Variants in HMGB1 observed in about 807,000 individuals in gnomAD.
The protein encoded by HMGB1 is high mobility group box 1, also known as high mobility group protein B1.
For missense variants in HMGB1, 79 were observed against 253.5 expected (o/e 0.31, Z 4.67); for synonymous variants, 81 against 84.0 (o/e 0.96, Z 0.19).
intron 1 of HMGB1, among the ~76,000 whole-genome samples, chr13:30,492,737 T>G (rs1198453985): frequency 6.6e-6 from 1 of 152,104 alleles, no homozygotes; most frequent in African/African-American, 2.4e-5. Flanking sequence ...ATGCCTATAA[T>G]CCTAGCACTT....
chr13:30,530,640 T>G (rs1446074992), intron 1 of HMGB1, among the ~76,000 whole-genome samples: 1 of 152,180 alleles, frequency 6.6e-6, no homozygotes, highest in Admixed American at 6.5e-5. Flanking sequence ...GTGAAATAAA[T>G]TACATCTACA....
intron 1 of HMGB1, among the ~76,000 whole-genome samples, chr13:30,616,197 A>C (rs1950560032): frequency 6.6e-6 from 1 of 152,234 alleles, no homozygotes; most frequent in Non-Finnish European, 1.5e-5. Flanking sequence ...AAAAAGCTCT[A>C]GAGCGAAAAC....
At chr13:30,473,580 T>C (rs7325616) in intron 1 of HMGB1, among the ~76,000 whole-genome samples, 11,141 of 151,740 alleles carry the variant, frequency 0.073, 1,340 homozygotes, top group African/African-American at 0.26. Context: ...CAGATGGCTA[T>C]AATCAAGGAG....
rs767920492 is a variant in HMGB1 at position 30,520,170 on chromosome 13, AAACT to A, written c.-14-56480_-14-56477del. Among the ~76,000 whole-genome samples, 4 of 152,090 alleles carry A rather than the reference AAACT, an allele frequency of 2.6e-5. No homozygotes were observed. In the East Asian group the frequency reaches 7.7e-4, roughly 29 times the overall value. ...AACCCCATCTCTACTAAAAATACAAAAACTAGCTGGGCATCGTGGCACATGCCTG... is the reference window on the plus strand; with the variant it reads ...AACCCCATCTCTACTAAAAATACAAAAGCTGGGCATCGTGGCACATGCCTG... On this transcript the variant is annotated intron_variant, in intron 1 of 4. Coordinates refer to the HMGB1 transcript ENST00000405805.
Position 30,460,306 on chromosome 13 carries a change from G to A in HMGB1, c.*1051C>T, listed in dbSNP as rs1593251292. The A allele has an allele frequency of 1.0e-5, 1 of 97,150 alleles. No homozygotes were observed. Among genetic ancestry groups the A allele is most frequent in the African/African-American group, 2.9e-5 (1 of 34,822 alleles). 6.0% of individuals were successfully genotyped at this position (97,150 alleles called of 1,614,324 possible). Reference sequence around the variant, plus strand: ...CCAATTAATTAAAAATACTTGTAATGGAAAGTCTCGTTTCCTGAGCAGTCC... The same window carrying A: ...CCAATTAATTAAAAATACTTGTAATAGAAAGTCTCGTTTCCTGAGCAGTCC... On this transcript the variant is annotated 3_prime_UTR_variant, in exon 5 of 5. Coordinates refer to ENST00000341423, the MANE Select transcript of HMGB1 (RefSeq NM_002128.7).
At chr13:30,615,417 C>T (rs1211848646) in intron 1 of HMGB1, among the ~76,000 whole-genome samples, 1 of 152,096 alleles carries the variant, frequency 6.6e-6, no homozygotes, top group African/African-American at 2.4e-5. Flanking sequence ...ATAACACATA[C>T]CAGGGGCCAA....
chr13:30,513,072 A>T (rs536857521), intron 1 of HMGB1, among the ~76,000 whole-genome samples: 2 of 152,174 alleles, frequency 1.3e-5, no homozygotes, highest in Non-Finnish European at 2.9e-5. Context: ...CTGAGGCAGG[A>T]GAATTGCTTG....
intron 1 of HMGB1, among the ~76,000 whole-genome samples, chr13:30,506,026 C>T (rs1252024395): frequency 1.3e-5 from 2 of 152,154 alleles, no homozygotes; most frequent in African/African-American, 4.8e-5. Context: ...TGCACCTGGC[C>T]TGGAGACAGA....
intron 1 of HMGB1, among the ~76,000 whole-genome samples, chr13:30,611,997 T>C (rs763096086): frequency 1.3e-5 from 2 of 152,152 alleles, no homozygotes; most frequent in African/African-American, 4.8e-5. Flanking sequence ...TGGTCAGCCA[T>C]GTAAATTGAA....
intron 1 of HMGB1, among the ~76,000 whole-genome samples, chr13:30,547,462 T>G (rs937737741): frequency 1.3e-5 from 2 of 152,168 alleles, no homozygotes; most frequent in African/African-American, 4.8e-5. Flanking sequence ...AGTCAAGAGC[T>G]GAGCCCATTC....
chr13:30,489,210 T>C (rs1027364664), intron 1 of HMGB1, among the ~76,000 whole-genome samples: 2 of 152,148 alleles, frequency 1.3e-5, no homozygotes, highest in African/African-American at 4.8e-5. Flanking sequence ...AAAACTCTTG[T>C]TGAAGCCTGG....
At position 30,518,687 on chromosome 13, in the gene HMGB1, A is replaced by G. The variant is rs372994987; in HGVS notation, c.-14-54993T>C. Among the ~76,000 whole-genome samples, 149 of 152,072 alleles carry G rather than the reference A, an allele frequency of 9.8e-4. 5 individuals are homozygous for G. The South Asian group carries it at 0.027, about 27-fold the overall frequency. On this transcript the variant is annotated intron_variant, in intron 1 of 4. Coordinates refer to the HMGB1 transcript ENST00000405805. ...AGAGTAAGGGAGCAATAGATAGCAC[A>G]CAGCTCTTAACATTCATAGAAACCT...
chr13:30,601,580 C>G (rs1484947527), intron 1 of HMGB1, among the ~76,000 whole-genome samples: 1 of 80,042 alleles, frequency 1.2e-5, no homozygotes, highest in Non-Finnish European at 2.2e-5. Flanking sequence ...CCCGTCTCTA[C>G]TAAAAATACA....
In HMGB1 at chr13:30,602,466, T is replaced by A. The variant is rs182707194; in HGVS notation, c.-15+14205A>T. Among the ~76,000 whole-genome samples, 439 of 152,338 alleles carry A rather than the reference T, an allele frequency of 2.9e-3. 3 individuals carry two copies. The highest frequency in any genetic ancestry group is 4.0e-3 in the Non-Finnish European group (269 of 68,022). ...CACAAAATTAGACAACTATTACAGT[T>A]CGACTAAAAACATGTTCATTTACAA... On this transcript the variant is annotated intron_variant, in intron 1 of 4. Transcript: ENST00000405805.
intron 1 of HMGB1, among the ~76,000 whole-genome samples, chr13:30,498,539 C>T (rs1381031515): frequency 6.6e-6 from 1 of 151,830 alleles, no homozygotes; most frequent in Non-Finnish European, 1.5e-5. Flanking sequence ...CTTTATGCCC[C>T]CCACCACCCC....
intron 1 of HMGB1, among the ~76,000 whole-genome samples, chr13:30,482,662 A>C (rs1362169447): frequency 1.3e-5 from 2 of 152,180 alleles, no homozygotes; most frequent in African/African-American, 4.8e-5. Flanking sequence ...GGCCTTTGTC[A>C]TTAAAACCAA....
At chr13:30,553,904 G>A (rs1593308584) in intron 1 of HMGB1, 2 of 1,382,382 alleles carry the variant, frequency 1.4e-6, no homozygotes, top group African/African-American at 1.4e-5. Context: ...ACATAGAAGA[G>A]GCACGAAGGA....
chr13:30,614,799 GC>G (rs762731435), intron 1 of HMGB1, among the ~76,000 whole-genome samples: 51 of 152,010 alleles, frequency 3.4e-4, no homozygotes, highest in Non-Finnish European at 2.8e-4. Flanking sequence ...CGGGGTTCAA[GC>G]AATTCTCCCT....
At chr13:30,463,998 G>T in intron 1 of HMGB1, 1 of 566,778 alleles carries the variant, frequency 1.8e-6, no homozygotes, top group Non-Finnish European at 2.3e-6. Flanking sequence ...TATCTAACTG[G>T]TCACTTAAAC....
Sources: allele counts gnomAD v4.1 joint callset (sites outside exome capture counted in the v4.1 genomes callset), GRCh38; gene constraint gnomAD v4.1.1; transcripts MANE v1.5; gene names NCBI Gene and HGNC (gene_info 2026-07-23, HGNC 2026-07-21).